The following CYP4F8 variants were observed in gnomAD, a reference collection of about 807,000 sequenced individuals.
CYP4F8 encodes the protein cytochrome P450 4F8.
CYP4F8 carries 56 observed loss-of-function variants against 55.0 expected under a neutral mutation model. That is an observed-to-expected ratio of 1.02 (90% confidence interval 0.82 to 1.27). CYP4F8 has a LOEUF of 1.27. Among genes scored for constraint, CYP4F8 ranks in the 50% most tolerant of loss-of-function variants. CYP4F8 has a pLI of 0.00. For synonymous variants in CYP4F8, 288 were observed against 267.3 expected (o/e 1.08, Z -0.76); for missense variants, 680 against 682.4 (o/e 1.00, Z 0.04).
intron 2 of CYP4F8, among the ~76,000 whole-genome samples, chr19:15,616,868 A>C (rs1442941581): frequency 6.6e-6 from 1 of 152,200 alleles, no homozygotes; most frequent in Admixed American, 6.5e-5. Context: ...AAATGGCAGG[A>C]ATGATGGGTG....
At chr19:15,621,113 G>A (rs886177813) in intron 5 of CYP4F8, among the ~76,000 whole-genome samples, 36 of 152,148 alleles carry the variant, frequency 2.4e-4, no homozygotes, top group Non-Finnish European at 5.1e-4. Context: ...TGCATGATGG[G>A]GAGGAGCATT....
intron 5 of CYP4F8, 53 bp from the exon 6 acceptor site, chr19:15,622,166 G>T: frequency 1.3e-6 from 2 of 1,572,894 alleles, no homozygotes; most frequent in Non-Finnish European, 1.7e-6. Context: ...GGGTTGCAGG[G>T]GGACTCAGAG....
chr19:15,622,237 G>A lies in CYP4F8; in HGVS notation c.544G>A (p.Ala182Thr), dbSNP rs1276488082. The A allele has an allele frequency of 1.5e-5, 24 of 1,613,518 alleles. No homozygotes were observed. The highest frequency in any genetic ancestry group is 1.9e-5 in the Non-Finnish European group (23 of 1,179,804). Reference protein sequence around the residue: ...NIMHAKWQRLAMEGSTCLDVF... With the variant: ...NIMHAKWQRLTMEGSTCLDVF... ...TGGCCAGGCCAAGTGGCAACGCCTGGCCATGGAGGGCAGCACCTGTCTGGA... is the reference window on the plus strand; with the variant it reads ...TGGCCAGGCCAAGTGGCAACGCCTGACCATGGAGGGCAGCACCTGTCTGGA... The change falls in exon 6 of 13, where the codon GCC becomes ACC. Residue 182 changes from alanine (A) to threonine (T), a missense_variant. Physicochemically the swap from Ala to Thr is moderately conservative, Grantham distance 58. Coordinates refer to ENST00000612078, the MANE Select transcript of CYP4F8 (RefSeq NM_007253.4).
intron 9 of CYP4F8, 138 bp downstream of exon 9, chr19:15,624,232 C>A: frequency 7.1e-7 from 1 of 1,411,878 alleles, no homozygotes; most frequent in South Asian, 1.4e-5. Flanking sequence ...GGAGTAGAGC[C>A]CAGAAACAGG....
At chr19:15,629,109 T>TG (rs1972301804) in intron 12 of CYP4F8, 84 bp from the exon 13 acceptor site, 1 of 1,486,676 alleles carries the variant, frequency 6.7e-7, no homozygotes, top group Non-Finnish European at 9.0e-7. Flanking sequence ...TGGGTGGGGT[T>TG]GGGGGTTCCG....
chr19:15,625,575 T>C (rs1225118143), intron 9 of CYP4F8, among the ~76,000 whole-genome samples: 1 of 152,024 alleles, frequency 6.6e-6, no homozygotes, highest in Non-Finnish European at 1.5e-5. Flanking sequence ...AGTCTACTTT[T>C]AAAAACACTT....
At chr19:15,625,552 A>G (rs1013937068) in intron 9 of CYP4F8, among the ~76,000 whole-genome samples, 10 of 151,954 alleles carry the variant, frequency 6.6e-5, no homozygotes, top group African/African-American at 2.4e-4. Context: ...GTAGTCCTAC[A>G]TGAGCAGCAT....
chr19:15,629,569 G>A lies in CYP4F8; in HGVS notation c.*211G>A. ...CCCAAGATACTCACTGCCTCTCTGG[G>A]TGAGCACAGGAGCCCCGTGCTGAGG... is the stretch of plus-strand genomic sequence containing the variant. On this transcript the variant is annotated 3_prime_UTR_variant, in exon 13 of 13. Transcript: ENST00000612078. 1 of 621,410 alleles carries A rather than the reference G, an allele frequency of 1.6e-6. No homozygotes were observed. The allele number at this position is 621,410 out of a possible 1,614,324, so 38.5% of individuals were successfully genotyped here. A position where few individuals can be genotyped will look rare whatever the true frequency, so the allele number is the denominator to read the frequency against.
In CYP4F8 at chr19:15,615,833, G is replaced by T. The variant is rs765949692; in HGVS notation, c.198+19G>T. 1 of 1,596,658 alleles carries T rather than the reference G, an allele frequency of 6.3e-7. No homozygotes were observed. Among genetic ancestry groups the T allele is most frequent in the Admixed American group, 1.7e-5 (1 of 59,080 alleles). ...GGGCCTGGTGAGTGGCAGGAGGATG[G>T]ATCTAGTGTCTCAGGGTGGAAGGGT... On this transcript the variant is annotated intron_variant, in intron 2 of 12. Transcript: ENST00000612078.
intron 9 of CYP4F8, among the ~76,000 whole-genome samples, chr19:15,625,551 C>T (rs894230346): frequency 2.6e-5 from 4 of 151,796 alleles, no homozygotes; most frequent in Non-Finnish European, 5.9e-5. Flanking sequence ...TGTAGTCCTA[C>T]ATGAGCAGCA....
intron 2 of CYP4F8, 100 bp from the exon 3 acceptor site, chr19:15,617,900 C>T (rs1329156118): frequency 2.1e-6 from 3 of 1,436,710 alleles, no homozygotes. Context: ...CTGAAACACT[C>T]TCACAGACAT....
intron 5 of CYP4F8, 152 bp from the exon 6 acceptor site, chr19:15,622,067 C>A (rs1340095931): frequency 2.2e-5 from 22 of 1,022,788 alleles, no homozygotes. Context: ...ACAGCTTCCA[C>A]TCTCACCCAA....
Position 15,619,675 on chromosome 19 carries a change from C to A in CYP4F8, c.438C>A (p.His146Gln), listed in dbSNP as rs369331338. ...LLLSVGDKWR[H>Q]HRRLLTPAFH... Reference sequence around the variant, plus strand: ...TAAGTGTTGGTGACAAGTGGAGACACCACCGTCGCTTGCTGACGCCTGCCT... The same window carrying A: ...TAAGTGTTGGTGACAAGTGGAGACAACACCGTCGCTTGCTGACGCCTGCCT... Residue 146 changes from histidine (H) to glutamine (Q), a missense_variant, in exon 5 of 13, where the codon CAC (histidine) becomes CAA (glutamine). His to Gln is a conservative substitution (Grantham distance 24). Transcript: ENST00000612078. The A allele has an allele frequency of 6.2e-7, 1 of 1,614,220 alleles. No homozygotes were observed. The highest frequency in any genetic ancestry group is 8.5e-7 in the Non-Finnish European group (1 of 1,180,040).
chr19:15,624,230 G>T lies in CYP4F8; in HGVS notation c.1115+136G>T, dbSNP rs544880833. 62 of 1,425,634 alleles carry T rather than the reference G, an allele frequency of 4.3e-5. No individual in the cohort carries two copies. The African/African-American group carries it at 8.3e-4, about 19-fold the overall frequency. 88.3% of individuals were successfully genotyped at this position (1,425,634 alleles called of 1,614,324 possible). A position where few individuals can be genotyped will look rare whatever the true frequency, so the allele number is the denominator to read the frequency against. ...GTTGCCTAGTGGGAATAGGAGTAGA[G>T]CCCAGAAACAGGCTAGCAAGGGTAA... On this transcript the variant is annotated intron_variant, in intron 9 of 12. Coordinates refer to ENST00000612078, the MANE Select transcript of CYP4F8 (RefSeq NM_007253.4).
rs1005424591 is a variant in CYP4F8 at position 15,629,574 on chromosome 19, C to T, written c.*216C>T. The T allele has an allele frequency of 3.5e-6, 2 of 573,832 alleles. No homozygotes were observed. Among genetic ancestry groups the T allele is most frequent in the African/African-American group, 3.8e-5 (2 of 52,116 alleles). The allele number at this position is 573,832 out of a possible 1,614,324, so 35.5% of individuals were successfully genotyped here. On this transcript the variant is annotated 3_prime_UTR_variant, in exon 13 of 13. Transcript: ENST00000612078. ...GATACTCACTGCCTCTCTGGGTGAG[C>T]ACAGGAGCCCCGTGCTGAGGGTGGG...
chr19:15,616,229 TCCTCACC>T (rs1972119275), intron 2 of CYP4F8, among the ~76,000 whole-genome samples: 1 of 148,008 alleles, frequency 6.8e-6, no homozygotes. Flanking sequence ...CTCATTCCTC[TCCTCACC>T]CACTCATTCC....
Position 15,624,040 on chromosome 19 carries a change from G to C in CYP4F8, c.1061G>C (p.Cys354Ser). The C allele has an allele frequency of 2.5e-6, 4 of 1,614,212 alleles. No homozygotes were observed. The highest frequency in any genetic ancestry group is 3.4e-6 in the Non-Finnish European group (4 of 1,180,044). Reference protein sequence around the residue: ...LARHPEYQERCRQEVQELLKD... With the variant: ...LARHPEYQERSRQEVQELLKD... ...AGGCACCCAGAATACCAAGAACGCTGCCGGCAGGAGGTGCAAGAGCTTCTG... is the reference window on the plus strand; with the variant it reads ...AGGCACCCAGAATACCAAGAACGCTCCCGGCAGGAGGTGCAAGAGCTTCTG... Residue 354 changes from cysteine (C) to serine (S), a missense_variant, in exon 9 of 13, where the codon TGC (cysteine) becomes TCC (serine). Coordinates refer to ENST00000612078, the MANE Select transcript of CYP4F8 (RefSeq NM_007253.4).
At chr19:15,615,592 C>G in intron 1 of CYP4F8, 24 bp from the exon 2 acceptor site, 1 of 1,611,022 alleles carries the variant, frequency 6.2e-7, no homozygotes, top group Non-Finnish European at 8.5e-7. Context: ...CAGGACCTCA[C>G]CCTCCATCCC....
intron 5 of CYP4F8, chr19:15,621,939 T>G: frequency 3.4e-6 from 1 of 292,458 alleles, no homozygotes; most frequent in Non-Finnish European, 6.3e-6. Context: ...TTGATTGCTA[T>G]TGAGGATTTG....
Sources: allele counts gnomAD v4.1 joint callset (sites outside exome capture counted in the v4.1 genomes callset), GRCh38; gene constraint gnomAD v4.1.1; transcripts MANE v1.5; gene names NCBI Gene and HGNC (gene_info 2026-07-23, HGNC 2026-07-21).